TBC1D16: variants seen among roughly 807,000 people sequenced by gnomAD.
TBC1D16 encodes CTD-2529O21.1.
TBC1D16 carries 58 observed loss-of-function variants against 74.7 expected under a neutral mutation model. The ratio of observed to expected loss-of-function variants is 0.78; its 90% confidence interval spans 0.63 to 0.97. The LOEUF (loss-of-function observed/expected upper bound fraction) is 0.97, where lower values mean the gene tolerates loss of function less well. Among genes scored for constraint, TBC1D16 ranks in the 50% least tolerant of loss-of-function variants. TBC1D16 has a pLI of 0.00. For synonymous variants in TBC1D16, 493 were observed against 474.7 expected (o/e 1.04, Z -0.50); for missense variants, 1,014 against 1,079.5 (o/e 0.94, Z 0.85).
intron 2 of TBC1D16, among the ~76,000 whole-genome samples, chr17:80,011,820 C>T (rs1005369441): frequency 5.4e-5 from 8 of 149,312 alleles, no homozygotes; most frequent in South Asian, 4.2e-4. Flanking sequence ...AGCGAGACTC[C>T]GTCTCAAAAA....
rs756311747 is a variant in TBC1D16, at chr17:80,013,401, C to T, written c.147G>A (p.Pro49=). The T allele has an allele frequency of 2.6e-5, 42 of 1,608,840 alleles. No individual in the cohort carries two copies. Among genetic ancestry groups the T allele is most frequent in the East Asian group, 4.5e-5 (2 of 44,778 alleles). The stretch of plus-strand genomic sequence containing the variant: ...GCTCCCCCAGCCCCTGCAGCCCCTC[C>T]GGCGGGTGCACGCAGACATTGTTCT... ...YSKNNVCVHP[P]EGLQGLGEHH... The change falls in exon 2 of 12, where the codon CCG becomes CCA. Residue 49 remains proline (P), a synonymous_variant. Transcript: ENST00000310924.
rs1013724880 is a variant in TBC1D16 at position 79,950,965 on chromosome 17, A to G, written c.1090-387T>C. 7.0e-6 allele frequency: 7 copies of G among 1,001,416 alleles called. No individual in the cohort carries two copies. In the African/African-American group the frequency reaches 9.8e-5, roughly 14 times the overall value. 62.0% of individuals were successfully genotyped at this position (1,001,416 alleles called of 1,614,324 possible). ...TCTGCGAGCAGGGAGCCAGCCTGTC[A>G]GATTGCCTCCGCGAGCAGTCACGAA... On this transcript the variant is annotated intron_variant, in intron 5 of 11. Transcript: ENST00000310924. The surrounding 1 kb of genome is among the most constrained non-coding windows in gnomAD (Gnocchi z 4.6).
chr17:80,021,910 C>CCTACACACACACT, intron 1 of TBC1D16, among the ~76,000 whole-genome samples: 1 of 68,106 alleles, frequency 1.5e-5, no homozygotes. Flanking sequence ...TGACACACAC[C>CCTACACACACACT]ATGACACACA....
rs59203028 is a variant in TBC1D16, at chr17:79,937,483, T to C, written c.*3376A>G. 5.3e-5 allele frequency: 8 copies of C among 152,146 alleles called. No homozygotes were observed. In the East Asian group the frequency reaches 1.2e-3, roughly 22 times the overall value. The allele number at this position is 152,146 out of a possible 1,614,324, so 9.4% of individuals were successfully genotyped here. A position where few individuals can be genotyped will look rare whatever the true frequency, so the allele number is the denominator to read the frequency against. On this transcript the variant is annotated 3_prime_UTR_variant, in exon 12 of 12. Transcript: ENST00000310924. Reference sequence around the variant, plus strand: ...GTGGAGGTCCTCTCCCTCCTGGACATGGAAACCTCCCCCTGCCTGGCACTT... The same window carrying C: ...GTGGAGGTCCTCTCCCTCCTGGACACGGAAACCTCCCCCTGCCTGGCACTT...
chr17:79,970,283 A>G (rs909981254), intron 3 of TBC1D16, among the ~76,000 whole-genome samples: 2 of 152,290 alleles, frequency 1.3e-5, no homozygotes, highest in East Asian at 1.9e-4. Context: ...TGGGGAAGGA[A>G]GGGCTGGGCT....
intron 1 of TBC1D16, chr17:80,023,958 C>CG (rs2036385660): frequency 6.6e-6 from 1 of 150,478 alleles, no homozygotes; most frequent in South Asian, 2.1e-4. Context: ...GAAAGAGCTC[C>CG]GGCGGACAGG....
Position 79,981,217 on chromosome 17 carries a change from G to A in TBC1D16, c.780-28399C>T, listed in dbSNP as rs1215870064. 6.6e-6 allele frequency among the ~76,000 whole-genome samples: 1 copy of A among 152,188 alleles called. No individual in the cohort carries two copies. Among genetic ancestry groups the A allele is most frequent in the Non-Finnish European group, 1.5e-5 (1 of 68,042 alleles). The stretch of plus-strand genomic sequence containing the variant: ...TTCCCATCCCCTGGGCCTAGTTTCA[G>A]GGGAGCCAGCATCTTCCGCACCAAT... On this transcript the variant is annotated intron_variant, in intron 3 of 11. Coordinates refer to ENST00000310924, the MANE Select transcript of TBC1D16 (RefSeq NM_019020.4). The surrounding 1 kb of genome is among the most constrained non-coding windows in gnomAD (Gnocchi z 6.9).
rs747733718 is a variant in TBC1D16, at chr17:79,940,953, T to C, written c.2210A>G (p.Tyr737Cys). The C allele has an allele frequency of 2.5e-6, 4 of 1,602,720 alleles. No homozygotes were observed. The highest frequency in any genetic ancestry group is 3.4e-6 in the Non-Finnish European group (4 of 1,175,324). The change falls in exon 12 of 12, where the codon TAC becomes TGC. Residue 737 changes from tyrosine to cysteine, a missense_variant. By Grantham distance (194) the Tyr-to-Cys change is radical (BLOSUM62 -2). Coordinates refer to ENST00000310924, the MANE Select transcript of TBC1D16 (RefSeq NM_019020.4). The surrounding 1 kb of genome is among the most constrained non-coding windows in gnomAD (Gnocchi z 5.4). ...GHHPGSESCP[Y>C]GGTVEMPSPK... ...GGAAGGCATCTCCACCGTGCCCCCG[T>C]AGGGACAGCTCTCCGAGCCGGGATG...
chr17:79,984,574 A>AAGAAAGAAAAAGAAAGAAAG (rs2034740309), intron 3 of TBC1D16, among the ~76,000 whole-genome samples: 1 of 77,454 alleles, frequency 1.3e-5, no homozygotes, highest in Admixed American at 1.4e-4. Flanking sequence ...GAGAGAGAGA[A>AAGAAAGAAAAAGAAAGAAAG]AGAAAGAAAA....
At chr17:79,949,682 T>A in intron 7 of TBC1D16, 35 bp downstream of exon 7, 2 of 1,584,074 alleles carry the variant, frequency 1.3e-6, no homozygotes, top group Non-Finnish European at 1.7e-6. Flanking sequence ...CCTCCGCGGC[T>A]CGGCGGGGTG....
At position 80,010,537 on chromosome 17, in the gene TBC1D16, C is replaced by G; in HGVS notation, c.402G>C (p.Leu134=). The G allele has an allele frequency of 6.2e-7, 1 of 1,610,190 alleles. No homozygotes were observed. Among genetic ancestry groups the G allele is most frequent in the Non-Finnish European group, 8.5e-7 (1 of 1,178,660 alleles). ...CCAGGATGTCCTCATCTTTGGGGGT[C>G]AGGGTAGGCCGCAGCTCCGTCGGGG... The part of the protein sequence containing the change: ...QPSPTELRPT[L]TPKDEDILVV... The change falls in exon 3 of 12, where the codon CTG becomes CTC. Residue 134 remains leucine (L), a synonymous_variant. Coordinates refer to ENST00000310924, the MANE Select transcript of TBC1D16 (RefSeq NM_019020.4). This position sits in a 1 kb window ranked among gnomAD's most constrained non-coding sequence, Gnocchi z 8.8.
rs953902301 is a variant in TBC1D16 at position 80,007,250 on chromosome 17, C to A, written c.779+2910G>T. ...GAGCAGGGCCGGGCTGTGGTAAGCA[C>A]CCCCCAGCACGGTCTCCGGGTGGGG... On this transcript the variant is annotated intron_variant, in intron 3 of 11. Coordinates refer to ENST00000310924, the MANE Select transcript of TBC1D16 (RefSeq NM_019020.4). This position sits in a 1 kb window ranked among gnomAD's most constrained non-coding sequence, Gnocchi z 4.5. Among the ~76,000 whole-genome samples the A allele has an allele frequency of 6.6e-6, 1 of 152,128 alleles. No individual in the cohort carries two copies. The highest frequency in any genetic ancestry group is 1.5e-5 in the Non-Finnish European group (1 of 68,012).
At chr17:79,962,201 ATTTTTTTTTTTTTTT>A (rs563506473) in intron 3 of TBC1D16, among the ~76,000 whole-genome samples, 5 of 64,920 alleles carry the variant, frequency 7.7e-5, no homozygotes, top group Admixed American at 2.5e-4. Context: ...ATCTCAACCT[ATTTTTTTTTTTTTTT>A]TTTTTTTTTT....
Position 79,945,052 on chromosome 17 carries a change from C to T in TBC1D16, c.1764G>A (p.Val588=). 5 of 1,585,700 alleles carry T rather than the reference C, an allele frequency of 3.2e-6. No individual in the cohort carries two copies. The highest frequency in any genetic ancestry group is 4.3e-6 in the Non-Finnish European group (5 of 1,167,568). ...GCGAGACCAGGTGCTGGTAGAAGCG[C>T]ACGTGCGTCAGCCGCAGCAGCTCGC... is the stretch of plus-strand genomic sequence containing the variant. ...YLRELLRLTH[V]RFYQHLVSLG... is the part of the protein sequence containing the mutation. Residue 588 remains valine, a synonymous_variant, in exon 10 of 12, where the codon GTG becomes GTA. Coordinates refer to ENST00000310924, the MANE Select transcript of TBC1D16 (RefSeq NM_019020.4).
At chr17:79,960,193 T>C (rs1036378800) in intron 3 of TBC1D16, among the ~76,000 whole-genome samples, 11 of 152,104 alleles carry the variant, frequency 7.2e-5, no homozygotes, top group Admixed American at 5.2e-4. Context: ...AAAGGGCTTA[T>C]CATATAAGTC....
chr17:79,951,306 T>C, intron 5 of TBC1D16, 144 bp downstream of exon 5: 1 of 985,904 alleles, frequency 1.0e-6, no homozygotes, highest in Non-Finnish European at 1.5e-6. Context: ...GTTGCTGCTC[T>C]GACGGCCAAA....
intron 3 of TBC1D16, among the ~76,000 whole-genome samples, chr17:80,004,365 C>T (rs1598413529): frequency 6.6e-6 from 1 of 152,238 alleles, no homozygotes; most frequent in East Asian, 1.9e-4. Flanking sequence ...TGCAACACTG[C>T]ATGGACCATT....
At chr17:79,995,784 C>G (rs1290484098) in intron 3 of TBC1D16, among the ~76,000 whole-genome samples, 1 of 149,490 alleles carries the variant, frequency 6.7e-6, no homozygotes, top group African/African-American at 2.5e-5. Flanking sequence ...AACTCTGTCT[C>G]AAAAACAAAA....
In TBC1D16 at chr17:79,961,308, A is replaced by G. The variant is rs1259598522; in HGVS notation, c.780-8490T>C. Among the ~76,000 whole-genome samples the G allele has an allele frequency of 6.6e-6, 1 of 152,214 alleles. No homozygotes were observed. The highest frequency in any genetic ancestry group is 1.5e-5 in the Non-Finnish European group (1 of 68,046). Reference sequence around the variant, plus strand: ...AAACCACAATGAGATACTCCTACTCACCTATTAGAATGGCTACAGTGGACA... The same window carrying G: ...AAACCACAATGAGATACTCCTACTCGCCTATTAGAATGGCTACAGTGGACA... On this transcript the variant is annotated intron_variant, in intron 3 of 11. Transcript: ENST00000310924. The surrounding 1 kb of genome is among the most constrained non-coding windows in gnomAD (Gnocchi z 4.8).
Sources: allele counts gnomAD v4.1 joint callset (sites outside exome capture counted in the v4.1 genomes callset), GRCh38; gene constraint gnomAD v4.1.1; non-coding constraint Gnocchi (gnomAD v3.1); transcripts MANE v1.5; gene names NCBI Gene and HGNC (gene_info 2026-07-23, HGNC 2026-07-21).